The following MTOR variants were observed in gnomAD, a reference collection of about 807,000 sequenced individuals.
MTOR encodes the protein mechanistic target of rapamycin kinase.
In MTOR, 70 loss-of-function variants were observed where a neutral mutation model predicts 319.8. That is an observed-to-expected ratio of 0.22 (90% CI 0.18 to 0.27). The LOEUF is 0.27. Ranked by LOEUF, MTOR falls within the 10% of genes least tolerant of loss-of-function variation. The pLI is 1.00. For missense variants in MTOR, 1,890 were observed against 3,274.4 expected, an observed-to-expected ratio of 0.58 and a Z score of 10.32; for synonymous variants, 1,183 against 1,211.4, an observed-to-expected ratio of 0.98 and a Z score of 0.49.
rs28990995 is a variant in MTOR at position 11,191,293 on chromosome 1, G to C, written c.4253+7965C>G. On this transcript the variant is annotated intron_variant, in intron 28 of 57. Transcript: ENST00000361445. ...TATTCTATAAGTAGGTAGTCCCTTA[G>C]AGGAAGCAGTAAGTTGGTGCTTTCA... is the stretch of plus-strand genomic sequence containing the variant. Among the ~76,000 whole-genome samples the C allele has an allele frequency of 2.6e-3, 402 of 152,294 alleles. 4 individuals carry two copies. The highest frequency in any genetic ancestry group is 4.2e-3 in the Non-Finnish European group (286 of 68,020).
intron 30 of MTOR, 61 bp from the exon 31 acceptor site, chr1:11,150,287 T>A: frequency 6.9e-7 from 1 of 1,450,016 alleles, no homozygotes; most frequent in Admixed American, 1.9e-5. Context: ...CCAATCTTCC[T>A]CTCCTGCCCC....
chr1:11,233,580 C>A, intron 14 of MTOR, 93 bp from the exon 15 acceptor site: 1 of 955,154 alleles, frequency 1.0e-6, no homozygotes, highest in South Asian at 1.4e-5. Flanking sequence ...GAGACCATCT[C>A]AGTCATAAAG....
At chr1:11,168,264 G>A (rs983593329) in intron 28 of MTOR, among the ~76,000 whole-genome samples, 5 of 149,728 alleles carry the variant, frequency 3.3e-5, no homozygotes, top group African/African-American at 7.4e-5. Flanking sequence ...GGCTGGTCTC[G>A]GACTCCTGGG....
At chr1:11,134,616 C>T in intron 36 of MTOR, 150 bp from the exon 37 acceptor site, 1 of 617,826 alleles carries the variant, frequency 1.6e-6, no homozygotes, top group South Asian at 2.0e-5. Flanking sequence ...GACAGAGGAC[C>T]AGGGCGTGAT....
chr1:11,213,305 T>C lies in MTOR; in HGVS notation c.3285+94A>G, dbSNP rs1484483762. The C allele has an allele frequency of 4.4e-6, 6 of 1,355,104 alleles. No homozygotes were observed. In the East Asian group the frequency reaches 9.2e-5, roughly 21 times the overall value. 83.9% of individuals were successfully genotyped at this position (1,355,104 alleles called of 1,614,324 possible). ...CTGTCTTATGGAATGGGCATCAACC[T>C]GTCACTCAGAATGAGGTCTCAGCTT... On this transcript the variant is annotated intron_variant, in intron 21 of 57. Coordinates refer to ENST00000361445, the MANE Select transcript of MTOR (RefSeq NM_004958.4).
chr1:11,172,746 G>A (rs966073023), intron 28 of MTOR, among the ~76,000 whole-genome samples: 2 of 151,356 alleles, frequency 1.3e-5, no homozygotes, highest in African/African-American at 2.4e-5. Context: ...GCGAACGCCT[G>A]TAATTGCAGC....
intron 28 of MTOR, among the ~76,000 whole-genome samples, chr1:11,188,957 A>G (rs1325065141): frequency 6.6e-6 from 1 of 152,226 alleles, no homozygotes; most frequent in African/African-American, 2.4e-5. Context: ...GGATTACATT[A>G]ACAGGCCTCC....
chr1:11,168,726 A>G (rs977925246), intron 28 of MTOR, among the ~76,000 whole-genome samples: 3 of 152,242 alleles, frequency 2.0e-5, no homozygotes, highest in Non-Finnish European at 4.4e-5. Context: ...ACAACTGGGC[A>G]GTGCCACTGG....
At position 11,187,409 on chromosome 1, in the gene MTOR, C is replaced by T. The variant is rs964912238; in HGVS notation, c.4253+11849G>A. Among the ~76,000 whole-genome samples the T allele has an allele frequency of 5.9e-5, 9 of 152,148 alleles. No individual in the cohort carries two copies. In the East Asian group the frequency reaches 9.6e-4, roughly 16 times the overall value. ...AGTACTTAGATTCTCACAAGGAGCACGCAACCTAGATCCCTCACATGTGCA... is the reference window on the plus strand; with the variant it reads ...AGTACTTAGATTCTCACAAGGAGCATGCAACCTAGATCCCTCACATGTGCA... On this transcript the variant is annotated intron_variant, in intron 28 of 57. Transcript: ENST00000361445.
At chr1:11,170,482 G>A (rs1215605821) in intron 28 of MTOR, among the ~76,000 whole-genome samples, 3 of 152,002 alleles carry the variant, frequency 2.0e-5, no homozygotes, top group Non-Finnish European at 2.9e-5. Context: ...TTGGGAGGTT[G>A]AGGCAGGAGG....
intron 29 of MTOR, 51 bp downstream of exon 29, chr1:11,167,391 C>G (rs755865910): frequency 1.4e-6 from 2 of 1,464,922 alleles, no homozygotes; most frequent in Non-Finnish European, 1.9e-6. Context: ...GCCAATAACT[C>G]CCTAGCCAAG....
At chr1:11,161,627 A>G (rs1440396567) in intron 29 of MTOR, among the ~76,000 whole-genome samples, 1 of 152,190 alleles carries the variant, frequency 6.6e-6, no homozygotes, top group Non-Finnish European at 1.5e-5. Flanking sequence ...GCTGCTCTGC[A>G]ATATTCGCTG....
At chr1:11,235,731 C>G (rs1235821399) in intron 13 of MTOR, among the ~76,000 whole-genome samples, 1 of 152,170 alleles carries the variant, frequency 6.6e-6, no homozygotes, top group Non-Finnish European at 1.5e-5. Context: ...CACCTGTAAT[C>G]CCAGCACTTT....
intron 19 of MTOR, among the ~76,000 whole-genome samples, chr1:11,217,418 G>A (rs1422989832): frequency 1.3e-5 from 2 of 149,172 alleles, no homozygotes; most frequent in South Asian, 4.2e-4. Context: ...TTGAGACAGA[G>A]TCTCACTCTG....
chr1:11,249,885 C>T (rs1157556649), intron 6 of MTOR, among the ~76,000 whole-genome samples: 3 of 150,500 alleles, frequency 2.0e-5, no homozygotes, highest in African/African-American at 4.9e-5. Context: ...CCTTTCTATT[C>T]CACAAAACCG....
Position 11,114,314 on chromosome 1 carries a change from T to C in MTOR, c.7300+4A>G, listed in dbSNP as rs2100314416. The C allele has an allele frequency of 1.2e-6, 2 of 1,613,794 alleles. No homozygotes were observed. Among genetic ancestry groups the C allele is most frequent in the South Asian group, 2.2e-5 (2 of 91,072 alleles). ...TCAGCTCCCAGGCACTTGATGATAC[T>C]CACTGTCCATCAGCCTCCAGTTCAG... On this transcript the variant is annotated splice_donor_region_variant and intron_variant, in intron 53 of 57. Coordinates refer to ENST00000361445, the MANE Select transcript of MTOR (RefSeq NM_004958.4).
At chr1:11,180,359 T>C (rs140149924) in intron 28 of MTOR, among the ~76,000 whole-genome samples, 1 of 152,184 alleles carries the variant, frequency 6.6e-6, no homozygotes, top group Non-Finnish European at 1.5e-5. Flanking sequence ...CAGCACAATA[T>C]TGGCACCCTG....
chr1:11,137,550 G>A (rs1325609454), intron 36 of MTOR, among the ~76,000 whole-genome samples: 1 of 152,028 alleles, frequency 6.6e-6, no homozygotes, highest in African/African-American at 2.4e-5. Context: ...CCCAGGAAAT[G>A]AAAAAAGGGA....
chr1:11,151,573 C>G (rs770988052), intron 30 of MTOR, among the ~76,000 whole-genome samples: 17 of 152,228 alleles, frequency 1.1e-4, no homozygotes, highest in Non-Finnish European at 2.4e-4. Context: ...GTTTCTGACT[C>G]AGTAGTGCTG....
Sources: allele counts gnomAD v4.1 joint callset (sites outside exome capture counted in the v4.1 genomes callset), GRCh38; gene constraint gnomAD v4.1.1; transcripts MANE v1.5; gene names NCBI Gene and HGNC (gene_info 2026-07-23, HGNC 2026-07-21).